ADCY8: variants seen among roughly 807,000 people sequenced by gnomAD.
The protein encoded by ADCY8 is adenylate cyclase type 8.
ADCY8 carries 51 observed loss-of-function variants against 119.7 expected under a neutral mutation model. The ratio of observed to expected loss-of-function variants is 0.43; its 90% CI spans 0.34 to 0.54. The LOEUF (loss-of-function observed/expected upper bound fraction) is 0.54, where lower values mean the gene tolerates loss of function less well. Ranked by LOEUF, ADCY8 falls within the 20% of genes least tolerant of loss-of-function variation. The pLI is 0.03. For missense variants in ADCY8, 1,383 were observed against 1,598.8 expected, an observed-to-expected ratio of 0.87 and a Z score of 2.30; for synonymous variants, 665 against 651.0, an observed-to-expected ratio of 1.02 and a Z score of -0.33.
chr8:130,828,991 T>G (rs2130234293), intron 12 of ADCY8, among the ~76,000 whole-genome samples: 1 of 152,310 alleles, frequency 6.6e-6, no homozygotes, highest in South Asian at 2.1e-4. Context: ...GATCCATTTC[T>G]TTTTGGCTGG....
Position 130,909,812 on chromosome 8 carries a change from G to A in ADCY8, c.1536C>T (p.Ser512=), listed in dbSNP as rs150100724. The A allele has an allele frequency of 1.6e-4, 255 of 1,613,986 alleles. No homozygotes were observed. The highest frequency in any genetic ancestry group is 1.6e-4 in the Middle Eastern group (1 of 6,084). The change falls in exon 6 of 18, where the codon TCC becomes TCT. Residue 512 remains serine, a synonymous_variant. Transcript: ENST00000286355. ...CCAAAACACCGCACAGCACCGAGCC[G>A]GAGTGGATTCCAATCCTCATGTCAA... ...HDVDMRIGIH[S]GSVLCGVLGL... is the part of the protein sequence containing the mutation.
At chr8:130,886,746 C>A (rs1386156811) in intron 7 of ADCY8, among the ~76,000 whole-genome samples, 1 of 152,052 alleles carries the variant, frequency 6.6e-6, no homozygotes, top group African/African-American at 2.4e-5. Context: ...CATAGTTAGG[C>A]ATCTCTCACT....
At position 130,997,092 on chromosome 8, in the gene ADCY8, A is replaced by G. The variant is rs551535619; in HGVS notation, c.961-6550T>C. Among the ~76,000 whole-genome samples, 36 of 152,302 alleles carry G rather than the reference A, an allele frequency of 2.4e-4. No homozygotes were observed. The South Asian group carries it at 7.5e-3, about 32-fold the overall frequency. On this transcript the variant is annotated intron_variant, in intron 1 of 17. Coordinates refer to ENST00000286355, the MANE Select transcript of ADCY8 (RefSeq NM_001115.3). The stretch of plus-strand genomic sequence containing the variant: ...ATTGTGGTCTGTGTAAACAAAAAGA[A>G]TGTAAAATTGCATTTAAAATACTTA...
At chr8:130,849,929 G>A in intron 9 of ADCY8, 126 bp from the exon 10 acceptor site, 1 of 957,562 alleles carries the variant, frequency 1.0e-6, no homozygotes, top group South Asian at 1.7e-5. Flanking sequence ...GTTTGTCCAA[G>A]AAAAAGGTTA....
intron 8 of ADCY8, among the ~76,000 whole-genome samples, chr8:130,871,413 C>T (rs1178044252): frequency 6.6e-6 from 1 of 152,204 alleles, no homozygotes; most frequent in East Asian, 1.9e-4. Context: ...AATCTTTAAG[C>T]TTTCTATGTC....
chr8:131,026,335 C>T (rs1823822405), intron 1 of ADCY8, among the ~76,000 whole-genome samples: 1 of 152,102 alleles, frequency 6.6e-6, no homozygotes, highest in Non-Finnish European at 1.5e-5. Flanking sequence ...TCTACTGGTG[C>T]TTAGATTTTG....
chr8:130,833,023 T>G (rs1816885111), intron 12 of ADCY8, among the ~76,000 whole-genome samples: 1 of 152,260 alleles, frequency 6.6e-6, no homozygotes, highest in South Asian at 2.1e-4. Context: ...TTATTTTTAC[T>G]CTAAAGGTGG....
At chr8:131,001,585 TAATA>T (rs1249104517) in intron 1 of ADCY8, among the ~76,000 whole-genome samples, 1 of 148,076 alleles carries the variant, frequency 6.8e-6, no homozygotes, top group Admixed American at 6.8e-5. Flanking sequence ...TATATATATC[TAATA>T]TATACACATA....
chr8:130,917,450 C>T (rs891283917), intron 5 of ADCY8, among the ~76,000 whole-genome samples: 1 of 152,186 alleles, frequency 6.6e-6, no homozygotes, highest in Non-Finnish European at 1.5e-5. Flanking sequence ...CTGCTGCTTG[C>T]ACTCCCTTCC....
rs1443464415 is a variant in ADCY8 at position 130,836,423 on chromosome 8, G to A, written c.2529C>T (p.Ala843=). The A allele has an allele frequency of 6.2e-7, 1 of 1,613,804 alleles. No individual in the cohort carries two copies. The highest frequency in any genetic ancestry group is 2.2e-5 in the East Asian group (1 of 44,850). Residue 843 remains alanine, a synonymous_variant, in exon 12 of 18, where the codon GCC becomes GCT. Transcript: ENST00000286355. The part of the protein sequence containing the change: ...PEYFVFTGVL[A]MVTCAVFLRL... ...GGAGGAAAACTGCACAGGTCACCAT[G>A]GCCAACACCCCCGTGAAGACAAAGT...
chr8:130,934,288 T>C (rs189168914), intron 5 of ADCY8, among the ~76,000 whole-genome samples: 3 of 152,282 alleles, frequency 2.0e-5, no homozygotes, highest in East Asian at 3.9e-4. Flanking sequence ...ACAGGAAGCA[T>C]GGCTGCGAGG....
intron 14 of ADCY8, among the ~76,000 whole-genome samples, chr8:130,802,408 C>T (rs1294258594): frequency 6.6e-6 from 1 of 152,174 alleles, no homozygotes; most frequent in Non-Finnish European, 1.5e-5. Flanking sequence ...GAGCCTTCTA[C>T]TGGGTTTCCT....
intron 12 of ADCY8, among the ~76,000 whole-genome samples, chr8:130,828,061 G>T (rs1816719943): frequency 1.3e-5 from 2 of 152,136 alleles, no homozygotes; most frequent in South Asian, 4.1e-4. Flanking sequence ...AGGATTTCCA[G>T]CTGGGGCTAA....
intron 7 of ADCY8, among the ~76,000 whole-genome samples, chr8:130,901,754 C>T (rs1475903340): frequency 2.0e-5 from 3 of 152,150 alleles, no homozygotes; most frequent in Non-Finnish European, 4.4e-5. Flanking sequence ...TTCACTTGCT[C>T]TTCAGTCTGA....
chr8:130,991,982 C>T (rs986172191), intron 1 of ADCY8, among the ~76,000 whole-genome samples: 22 of 151,122 alleles, frequency 1.5e-4, no homozygotes, highest in African/African-American at 1.7e-4. Context: ...ACATAGATGA[C>T]GGAAGAATCA....
intron 9 of ADCY8, among the ~76,000 whole-genome samples, chr8:130,854,092 TG>T (rs1458120022): frequency 1.3e-5 from 2 of 152,236 alleles, no homozygotes; most frequent in Non-Finnish European, 2.9e-5. Flanking sequence ...ACTGACACTG[TG>T]TATTACATTT....
intron 2 of ADCY8, among the ~76,000 whole-genome samples, chr8:130,981,179 A>T (rs192870312): frequency 2.8e-4 from 43 of 152,342 alleles, no homozygotes; most frequent in African/African-American, 9.9e-4. Context: ...AAGGAAAAAA[A>T]TTCTAGGATG....
intron 14 of ADCY8, 49 bp from the exon 15 acceptor site, chr8:130,800,621 T>A: frequency 1.2e-6 from 2 of 1,604,348 alleles, no homozygotes. Context: ...CAGAGGTCGG[T>A]TCTGCAGTGA....
intron 15 of ADCY8, among the ~76,000 whole-genome samples, chr8:130,795,146 G>A (rs1301013346): frequency 3.9e-5 from 6 of 152,162 alleles, no homozygotes; most frequent in Admixed American, 1.3e-4. Context: ...GGCGATGTCC[G>A]CATATACTGG....
Sources: allele counts gnomAD v4.1 joint callset (sites outside exome capture counted in the v4.1 genomes callset), GRCh38; gene constraint gnomAD v4.1.1; transcripts MANE v1.5; gene names NCBI Gene and HGNC (gene_info 2026-07-23, HGNC 2026-07-21).